The following SLC35F2 variants were observed in gnomAD, a reference collection of about 807,000 sequenced individuals.
The protein encoded by SLC35F2 is solute carrier family 35 member F2.
A neutral mutation model predicts 38.1 loss-of-function variants in SLC35F2; 25 were observed. That is an observed-to-expected ratio of 0.66 (90% confidence interval 0.48 to 0.92). SLC35F2 has a LOEUF of 0.92. Ranked by LOEUF, SLC35F2 falls within the 40% of genes least tolerant of loss-of-function variation. SLC35F2 has a pLI of 0.00. For synonymous variants in SLC35F2, 173 were observed against 181.7 expected (o/e 0.95, Z 0.38); for missense variants, 409 against 452.9 (o/e 0.90, Z 0.88).
chr11:107,851,822 C>T (rs980210144), intron 1 of SLC35F2, among the ~76,000 whole-genome samples: 11 of 152,098 alleles, frequency 7.2e-5, no homozygotes, highest in African/African-American at 2.7e-4. Flanking sequence ...CTCGTAGAAT[C>T]CAGAGTTCCC....
At chr11:107,837,234 G>A (rs562961455) in intron 1 of SLC35F2, among the ~76,000 whole-genome samples, 2 of 152,222 alleles carry the variant, frequency 1.3e-5, no homozygotes, top group South Asian at 4.1e-4. Flanking sequence ...GAGCTCTTAC[G>A]TATATTAACA....
chr11:107,813,691 G>A (rs185095433), intron 2 of SLC35F2, among the ~76,000 whole-genome samples: 1 of 152,118 alleles, frequency 6.6e-6, no homozygotes, highest in Admixed American at 6.5e-5. Context: ...TTGGAGACAG[G>A]GTCTTGGTCT....
chr11:107,858,373 G>A (rs1270853471), intron 1 of SLC35F2: 3 of 264,322 alleles, frequency 1.1e-5, no homozygotes, highest in East Asian at 1.3e-4. Context: ...CGCCCCAGAG[G>A]ACCGACCTAA....
At chr11:107,826,939 T>C (rs933637788) in intron 1 of SLC35F2, among the ~76,000 whole-genome samples, 15 of 152,154 alleles carry the variant, frequency 9.9e-5, no homozygotes, top group African/African-American at 3.6e-4. Flanking sequence ...AAGAAAATTA[T>C]ATTGATGGAA....
At position 107,858,740 on chromosome 11, in the gene SLC35F2, C is replaced by T. The variant is rs1483068619; in HGVS notation, c.28G>A (p.Gly10Ser). ...CCCTCCGCGAGGGGCTCTGGGGCGC[C>T]GGGGCCCGCTGGCGAGTCTGCCTCC... is the stretch of plus-strand genomic sequence containing the variant. Reference protein sequence around the residue: MEADSPAGPGAPEPLAEGAA... With the variant: MEADSPAGPSAPEPLAEGAA... Residue 10 changes from glycine (G) to serine (S), a missense_variant, in exon 1 of 8, where the codon GGC (glycine) becomes AGC (serine). Transcript: ENST00000525815. The T allele has an allele frequency of 3.1e-6, 4 of 1,281,736 alleles. No homozygotes were observed. 79.4% of individuals were successfully genotyped at this position (1,281,736 alleles called of 1,614,324 possible). A position where few individuals can be genotyped will look rare whatever the true frequency, so the allele number is the denominator to read the frequency against.
At chr11:107,819,618 T>C (rs1859639115) in intron 1 of SLC35F2, among the ~76,000 whole-genome samples, 1 of 152,190 alleles carries the variant, frequency 6.6e-6, no homozygotes, top group Admixed American at 6.6e-5. Context: ...TAGTCCGGTA[T>C]AGTGCACCAG....
intron 1 of SLC35F2, among the ~76,000 whole-genome samples, chr11:107,849,091 CTCTG>C (rs1334626350): frequency 1.3e-5 from 2 of 152,140 alleles, no homozygotes; most frequent in East Asian, 1.9e-4. Context: ...TACTTACCTG[CTCTG>C]TCTGTCAAAA....
At chr11:107,849,918 CAT>C (rs1470306328) in intron 1 of SLC35F2, among the ~76,000 whole-genome samples, 1 of 152,146 alleles carries the variant, frequency 6.6e-6, no homozygotes, top group Non-Finnish European at 1.5e-5. Flanking sequence ...CCCTACAGTA[CAT>C]GTCTGCCCCT....
At chr11:107,831,300 T>C (rs1859836731) in intron 1 of SLC35F2, among the ~76,000 whole-genome samples, 2 of 152,204 alleles carry the variant, frequency 1.3e-5, no homozygotes, top group Admixed American at 6.5e-5. Context: ...GCAAAACTCA[T>C]TGGAATGGGA....
intron 4 of SLC35F2, among the ~76,000 whole-genome samples, chr11:107,805,924 G>A (rs71488280): frequency 0.059 from 8,915 of 152,204 alleles, 309 homozygotes; most frequent in East Asian, 0.15. Context: ...GGGATTACAG[G>A]TGCGAGCGAC....
intron 1 of SLC35F2, among the ~76,000 whole-genome samples, chr11:107,825,073 G>T (rs868138095): frequency 1.3e-4 from 20 of 152,236 alleles, no homozygotes; most frequent in African/African-American, 4.8e-4. Context: ...GATCAGCATT[G>T]TGCAATACTG....
intron 1 of SLC35F2, among the ~76,000 whole-genome samples, chr11:107,830,892 C>T (rs770037962): frequency 2.6e-5 from 4 of 151,992 alleles, no homozygotes; most frequent in Non-Finnish European, 5.9e-5. Flanking sequence ...TCTTTCAAAA[C>T]ATAAGATTCC....
chr11:107,842,254 T>A (rs1860023171), intron 1 of SLC35F2, among the ~76,000 whole-genome samples: 1 of 1,636 alleles, frequency 6.1e-4, no homozygotes, highest in African/African-American at 3.4e-3. Context: ...AGACTCCGTC[T>A]CACAAAAAAA....
intron 1 of SLC35F2, among the ~76,000 whole-genome samples, chr11:107,854,808 A>C (rs1409174663): frequency 6.6e-6 from 1 of 152,162 alleles, no homozygotes; most frequent in East Asian, 1.9e-4. Context: ...TTGCCCAAAA[A>C]GCCTCTTCTT....
chr11:107,839,798 C>T (rs566159837), intron 1 of SLC35F2, among the ~76,000 whole-genome samples: 8 of 152,188 alleles, frequency 5.3e-5, no homozygotes, highest in African/African-American at 1.9e-4. Flanking sequence ...GGATTACAGG[C>T]ATGCGCCACC....
intron 1 of SLC35F2, among the ~76,000 whole-genome samples, chr11:107,816,588 T>C (rs1216298041): frequency 6.6e-6 from 1 of 151,548 alleles, no homozygotes; most frequent in African/African-American, 2.4e-5. Flanking sequence ...TGACTGGCCC[T>C]TACCCTGCAT....
chr11:107,813,034 A>C (rs1859506853), intron 2 of SLC35F2, among the ~76,000 whole-genome samples: 1 of 152,230 alleles, frequency 6.6e-6, no homozygotes, highest in African/African-American at 2.4e-5. Context: ...CAGGAGATGC[A>C]GAGTTGGCAC....
intron 7 of SLC35F2, among the ~76,000 whole-genome samples, chr11:107,799,785 G>C (rs1859276480): frequency 6.6e-6 from 1 of 152,014 alleles, no homozygotes; most frequent in African/African-American, 2.4e-5. Flanking sequence ...GGCCAGGATG[G>C]TCTCGATCTC....
At chr11:107,793,309 C>T (rs1859163570) in intron 7 of SLC35F2, among the ~76,000 whole-genome samples, 1 of 152,204 alleles carries the variant, frequency 6.6e-6, no homozygotes, top group African/African-American at 2.4e-5. Context: ...CTGCCAACAG[C>T]ACCCGGCACA....
Sources: gnomAD v4.1 joint callset for allele counts (sites outside exome capture counted in the v4.1 genomes callset) on GRCh38, gnomAD v4.1.1 for gene constraint, MANE v1.5 for transcripts, NCBI Gene and HGNC (gene_info 2026-07-23, HGNC 2026-07-21) for gene names.